Variants in CEP170 observed in about 807,000 individuals in gnomAD.
CEP170 encodes centrosomal protein 170, also known as centrosomal protein of 170 kDa.
CEP170 carries 21 observed loss-of-function variants against 151.9 expected under a neutral mutation model. The observed-to-expected ratio is 0.14, with a 90% CI of 0.10 to 0.20. The LOEUF is 0.20. CEP170 is among the 10% of genes least tolerant of loss of function. CEP170 has a pLI of 1.00. For missense variants in CEP170, 964 were observed against 1,892.9 expected (o/e 0.51, Z 9.11); for synonymous variants, 356 against 648.8 (o/e 0.55, Z 6.86).
intron 4 of CEP170, among the ~76,000 whole-genome samples, chr1:243,209,685 G>GTTT (rs201523372): frequency 7.0e-6 from 1 of 143,206 alleles, no homozygotes; most frequent in Admixed American, 6.9e-5. Flanking sequence ...ATAACAGATG[G>GTTT]TTTTTTTTTT....
At chr1:243,227,279 T>C (rs2149033510) in intron 1 of CEP170, among the ~76,000 whole-genome samples, 1 of 148,012 alleles carries the variant, frequency 6.8e-6, no homozygotes, top group Middle Eastern at 3.4e-3. Context: ...AAAAAAAAAA[T>C]CCTGTCACTT....
rs547839914 is a variant in CEP170 at position 243,154,599 on chromosome 1, T to C, written c.3911+1622A>G. Among the ~76,000 whole-genome samples, 12 of 152,366 alleles carry C rather than the reference T, an allele frequency of 7.9e-5. No individual in the cohort carries two copies. In the South Asian group the frequency reaches 2.3e-3, roughly 29 times the overall value. ...ATCCCAAAGGCAAGTTTTATTAGCA[T>C]AGTGCTACTGACAAACTAGAGGGAT... On this transcript the variant is annotated intron_variant, in intron 14 of 19. Coordinates refer to ENST00000366542, the MANE Select transcript of CEP170 (RefSeq NM_014812.3).
intron 13 of CEP170, among the ~76,000 whole-genome samples, chr1:243,158,864 C>T (rs1303322935): frequency 2.0e-5 from 3 of 151,788 alleles, no homozygotes; most frequent in African/African-American, 7.3e-5. Context: ...GTCAAGAGAT[C>T]GGGACCCTCC....
Position 243,156,278 on chromosome 1 carries a change from A to G in CEP170, c.3854T>C (p.Ile1285Thr), listed in dbSNP as rs2057541929. The G allele has an allele frequency of 6.3e-7, 1 of 1,590,752 alleles. No homozygotes were observed. Among genetic ancestry groups the G allele is most frequent in the Non-Finnish European group, 8.6e-7 (1 of 1,168,996 alleles). Reference sequence around the variant, plus strand: ...TCGGATGTAGTCTTCCTGCTCTTTAATCCGGTGTTTGAATGAAGAACTAGT... The same window carrying G: ...TCGGATGTAGTCTTCCTGCTCTTTAGTCCGGTGTTTGAATGAAGAACTAGT... ...MPTSSSFKHR[I>T]KEQEDYIRDW... Residue 1285 changes from isoleucine (I) to threonine (T), a missense_variant, in exon 14 of 20, where the codon ATT becomes ACT. By Grantham distance (89) the Ile-to-Thr change is moderately conservative (BLOSUM62 -1). Transcript: ENST00000366542.
chr1:243,230,440 G>C (rs752675609), intron 1 of CEP170, among the ~76,000 whole-genome samples: 2 of 152,146 alleles, frequency 1.3e-5, no homozygotes, highest in Non-Finnish European at 2.9e-5. Flanking sequence ...TTAGTTGAAG[G>C]TGTTAAATCA....
intron 1 of CEP170, chr1:243,254,441 G>C (rs765383768): frequency 3.3e-5 from 5 of 152,202 alleles, no homozygotes; most frequent in Admixed American, 6.5e-5. Context: ...GAGCCTCCAC[G>C]GGGTGCAGTC....
intron 17 of CEP170, among the ~76,000 whole-genome samples, chr1:243,134,173 T>C (rs926016785): frequency 7.2e-5 from 11 of 152,178 alleles, no homozygotes; most frequent in African/African-American, 2.4e-4. Flanking sequence ...CATGTGTAGA[T>C]AGCAGAAATA....
At chr1:243,221,181 C>A (rs1163217908) in intron 3 of CEP170, among the ~76,000 whole-genome samples, 1 of 152,152 alleles carries the variant, frequency 6.6e-6, no homozygotes, top group Non-Finnish European at 1.5e-5. Flanking sequence ...CCCGCCACCA[C>A]ACCCGGCTAA....
intron 10 of CEP170, among the ~76,000 whole-genome samples, chr1:243,181,027 T>C (rs1310007300): frequency 6.6e-6 from 1 of 152,350 alleles, no homozygotes; most frequent in Non-Finnish European, 1.5e-5. Context: ...AAGAGGATAG[T>C]TCCTCAAGCC....
At chr1:243,222,219 C>CA (rs750177043) in intron 2 of CEP170, among the ~76,000 whole-genome samples, 49 of 152,156 alleles carry the variant, frequency 3.2e-4, no homozygotes, top group Non-Finnish European at 5.0e-4. Flanking sequence ...AAAAAATGAG[C>CA]ATAAACTATT....
chr1:243,198,624 C>T (rs1341717363), intron 7 of CEP170, among the ~76,000 whole-genome samples: 14 of 152,126 alleles, frequency 9.2e-5, no homozygotes, highest in East Asian at 5.8e-4. Context: ...CTGGGCAACA[C>T]AGTGTGATCC....
chr1:243,166,322 C>T (rs577908084), intron 12 of CEP170, among the ~76,000 whole-genome samples: 1 of 152,276 alleles, frequency 6.6e-6, no homozygotes, highest in Non-Finnish European at 1.5e-5. Context: ...CTCCCATATA[C>T]TTTAAATCAT....
At chr1:243,214,107 G>A (rs2062046134) in intron 3 of CEP170, among the ~76,000 whole-genome samples, 1 of 152,016 alleles carries the variant, frequency 6.6e-6, no homozygotes, top group South Asian at 2.1e-4. Context: ...TATGTAAGTG[G>A]ACATATTCTC....
rs149128925 is a variant in CEP170, at chr1:243,202,533, G to A, written c.275-1698C>T. On this transcript the variant is annotated intron_variant, in intron 4 of 19. Transcript: ENST00000366542. ...GAATTTAATAAGTATACATACATTCGCATATTTATATAATATGAATTATAT... is the reference window on the plus strand; with the variant it reads ...GAATTTAATAAGTATACATACATTCACATATTTATATAATATGAATTATAT... Among the ~76,000 whole-genome samples the A allele has an allele frequency of 4.1e-3, 626 of 151,722 alleles. 7 individuals carry two copies. Among genetic ancestry groups the A allele is most frequent in the East Asian group, 4.6e-3 (24 of 5,170 alleles).
chr1:243,251,485 C>A (rs1248158087), intron 1 of CEP170, among the ~76,000 whole-genome samples: 1 of 152,144 alleles, frequency 6.6e-6, no homozygotes, highest in African/African-American at 2.4e-5. Context: ...CAAATTTTTT[C>A]AATGTGTAAA....
intron 14 of CEP170, among the ~76,000 whole-genome samples, chr1:243,147,440 C>T (rs1346788296): frequency 6.6e-6 from 1 of 152,132 alleles, no homozygotes; most frequent in East Asian, 1.9e-4. Context: ...CTTGACATGC[C>T]TTTCATACAG....
chr1:243,225,292 C>T lies in CEP170; in HGVS notation c.-12G>A. On this transcript the variant is annotated 5_prime_UTR_variant, in exon 2 of 20. Coordinates refer to ENST00000366542, the MANE Select transcript of CEP170 (RefSeq NM_014812.3). ...GATGTTAAGCTCATTTTCTGCTTAG[C>T]TTCTAAGTCTTTGGCAAAGCTACGT... 2 of 1,543,488 alleles carry T rather than the reference C, an allele frequency of 1.3e-6. No homozygotes were observed. The highest frequency in any genetic ancestry group is 1.8e-6 in the Non-Finnish European group (2 of 1,139,766).
rs1161746031 is a variant in CEP170 at position 243,124,900 on chromosome 1, GA to G, written c.*1548del. 1 of 151,166 alleles carries G rather than the reference GA, an allele frequency of 6.6e-6. No homozygotes were observed. The highest frequency in any genetic ancestry group is 1.5e-5 in the Non-Finnish European group (1 of 67,740). The allele number at this position is 151,166 out of a possible 1,614,324, so 9.4% of individuals were successfully genotyped here. ...TTACCTTTTTTTTTTTGTATTTAAA[GA>G]AAAATAGGAGATCCATTATAGTTTT... On this transcript the variant is annotated 3_prime_UTR_variant, in exon 20 of 20. Coordinates refer to ENST00000366542, the MANE Select transcript of CEP170 (RefSeq NM_014812.3).
intron 2 of CEP170, among the ~76,000 whole-genome samples, chr1:243,222,654 A>G (rs1397113364): frequency 6.6e-6 from 1 of 152,240 alleles, no homozygotes; most frequent in African/African-American, 2.4e-5. Flanking sequence ...AAAATGGGGA[A>G]CAGACATGAC....
Sources: allele counts gnomAD v4.1 joint callset (sites outside exome capture counted in the v4.1 genomes callset), GRCh38; gene constraint gnomAD v4.1.1; transcripts MANE v1.5; gene names NCBI Gene and HGNC (gene_info 2026-07-23, HGNC 2026-07-21).